RET: variants seen among roughly 807,000 people sequenced by gnomAD.
The protein encoded by RET is ret proto-oncogene.
In RET, 19 loss-of-function variants were observed where a neutral mutation model predicts 118.3. The ratio of observed to expected loss-of-function variants is 0.16; its 90% CI spans 0.11 to 0.24. The LOEUF (loss-of-function observed/expected upper bound fraction) is 0.24, where lower values mean the gene tolerates loss of function less well. Ranked by LOEUF, RET falls within the 10% of genes least tolerant of loss-of-function variation. The pLI, the probability that RET is intolerant of heterozygous loss-of-function variation, is 1.00. For synonymous variants in RET, 597 were observed against 644.1 expected (o/e 0.93, Z 1.11); for missense variants, 1,219 against 1,502.1 (o/e 0.81, Z 3.12).
chr10:43,077,172 G>C lies in RET; in HGVS notation c.-87G>C. The C allele has an allele frequency of 1.5e-6, 2 of 1,353,946 alleles. No individual in the cohort carries two copies. Among genetic ancestry groups the C allele is most frequent in the South Asian group, 3.5e-5 (2 of 56,570 alleles). The allele number at this position is 1,353,946 out of a possible 1,614,324, so 83.9% of individuals were successfully genotyped here. On this transcript the variant is annotated 5_prime_UTR_variant, in exon 1 of 20. Coordinates refer to ENST00000355710, the MANE Select transcript of RET (RefSeq NM_020975.6). ...CCGCCGCGCCCCGGGCGGGGATGGG[G>C]CGGCCAGACTGAGCGCCGCACCCGC...
rs1838274772 is a variant in RET, at chr10:43,123,928, G to A, written c.2939+120G>A. On this transcript the variant is annotated intron_variant, in intron 17 of 19. Coordinates refer to ENST00000355710, the MANE Select transcript of RET (RefSeq NM_020975.6). ...CAGGAGAAGTGGGGGGTGGGGAGTG[G>A]GCAGGGCAGAGGTTAGAGAGCCATC... 6.1e-6 allele frequency: 9 copies of A among 1,482,840 alleles called. No homozygotes were observed. The South Asian group carries it at 1.0e-4, about 17-fold the overall frequency. 91.9% of individuals were successfully genotyped at this position (1,482,840 alleles called of 1,614,324 possible).
intron 1 of RET, among the ~76,000 whole-genome samples, chr10:43,082,843 C>T (rs961486294): frequency 3.9e-5 from 6 of 152,148 alleles, no homozygotes; most frequent in Non-Finnish European, 7.4e-5. Flanking sequence ...GGTGCCGGGA[C>T]GAGGGTGGGT....
Position 43,100,532 on chromosome 10 carries a change from C to T in RET, c.147C>T (p.Pro49=), listed in dbSNP as rs1219548567. 3.1e-6 allele frequency: 5 copies of T among 1,613,814 alleles called. No individual in the cohort carries two copies. Among genetic ancestry groups the T allele is most frequent in the Non-Finnish European group, 4.2e-6 (5 of 1,180,032 alleles). ...KLYVDQAAGT[P]LLYVHALRDA... ...ATGTGGACCAGGCAGCCGGCACGCC[C>T]TTGCTGTACGTCCATGCCCTGCGGG... Residue 49 remains proline, a synonymous_variant, in exon 2 of 20, where the codon CCC becomes CCT. Transcript: ENST00000355710.
At position 43,106,049 on chromosome 10, in the gene RET, G is replaced by C. The variant is rs1331121089; in HGVS notation, c.868-327G>C. Among the ~76,000 whole-genome samples, 2 of 152,142 alleles carry C rather than the reference G, an allele frequency of 1.3e-5. No individual in the cohort carries two copies. Among genetic ancestry groups the C allele is most frequent in the Admixed American group, 6.5e-5 (1 of 15,288 alleles). On this transcript the variant is annotated intron_variant, in intron 4 of 19. Coordinates refer to ENST00000355710, the MANE Select transcript of RET (RefSeq NM_020975.6). The surrounding 1 kb of genome is among the most constrained non-coding windows in gnomAD (Gnocchi z 5.1). Reference sequence around the variant, plus strand: ...GGCCCAGCTTCCTCAGGGGAGAGTGGAGGTGCTCATCCTGCTCTCTGGGGA... The same window carrying C: ...GGCCCAGCTTCCTCAGGGGAGAGTGCAGGTGCTCATCCTGCTCTCTGGGGA...
intron 13 of RET, 129 bp from the exon 14 acceptor site, chr10:43,119,402 C>T: frequency 1.4e-6 from 1 of 699,118 alleles, no homozygotes; most frequent in Admixed American, 2.3e-5. Flanking sequence ...CTGCCTGAGG[C>T]AGGGCTGTGT....
rs377767400 is a variant in RET at position 43,113,650 on chromosome 10, C to T, written c.1854C>T (p.Cys618=). The T allele has an allele frequency of 6.2e-7, 1 of 1,613,268 alleles. No homozygotes were observed. Among genetic ancestry groups the T allele is most frequent in the Non-Finnish European group, 8.5e-7 (1 of 1,179,886 alleles). ...ACTGCTTCCCTGAGGAGGAGAAGTG[C>T]TTCTGCGAGCCCGAAGACATCCAGG... The part of the protein sequence containing the change: ...TCNCFPEEEK[C]FCEPEDIQDP... Residue 618 remains cysteine (C), a synonymous_variant, in exon 10 of 20, where the codon TGC becomes TGT. Transcript: ENST00000355710.
chr10:43,101,970 ATG>A (rs1262549343), intron 2 of RET, among the ~76,000 whole-genome samples: 4 of 152,072 alleles, frequency 2.6e-5, no homozygotes, highest in Non-Finnish European at 4.4e-5. Flanking sequence ...TTGGGGAAGT[ATG>A]TCTGCGGCCA....
chr10:43,083,608 G>C (rs1033998783), intron 1 of RET, among the ~76,000 whole-genome samples: 1 of 152,160 alleles, frequency 6.6e-6, no homozygotes, highest in Non-Finnish European at 1.5e-5. Context: ...ACCCCAGGAG[G>C]CTTCAAGTAC....
In RET at chr10:43,102,613, C is replaced by A; in HGVS notation, c.609C>A (p.Ala203=). Residue 203 remains alanine (A), a synonymous_variant, in exon 3 of 20, where the codon GCC becomes GCA. Transcript: ENST00000355710. ...TCTTGTGCCCCAACATCAGCGTGGC[C>A]TACAGGCTCCTGGAGGGTGAGTGCC... The part of the protein sequence containing the change: ...VQFLCPNISV[A]YRLLEGEGLP... The A allele has an allele frequency of 6.2e-7, 1 of 1,614,166 alleles. No individual in the cohort carries two copies. The highest frequency in any genetic ancestry group is 8.5e-7 in the Non-Finnish European group (1 of 1,180,060).
At chr10:43,118,691 G>A (rs955208185) in intron 13 of RET, among the ~76,000 whole-genome samples, 8 of 152,366 alleles carry the variant, frequency 5.3e-5, no homozygotes, top group South Asian at 2.1e-4. Flanking sequence ...GAGGGGCCCC[G>A]CGCTAGCGGC....
Position 43,105,130 on chromosome 10 carries a change from G to A in RET, c.804G>A (p.Ser268=), listed in dbSNP as rs942287684. The stretch of plus-strand genomic sequence containing the variant: ...TGACCGTGTACGACGAGGACGACTC[G>A]GCGCCCACCTTCCCCGCGGGCGTCG... ...FPVTVYDEDD[S]APTFPAGVDT... Residue 268 remains serine, a synonymous_variant, in exon 4 of 20, where the codon TCG becomes TCA. Coordinates refer to ENST00000355710, the MANE Select transcript of RET (RefSeq NM_020975.6). The A allele has an allele frequency of 6.8e-6, 11 of 1,612,472 alleles. No individual in the cohort carries two copies. The highest frequency in any genetic ancestry group is 8.5e-7 in the Non-Finnish European group (1 of 1,179,838).
chr10:43,108,997 A>T, intron 5 of RET, 34 bp from the exon 6 acceptor site: 1 of 1,593,540 alleles, frequency 6.3e-7, no homozygotes, highest in Non-Finnish European at 8.6e-7. Flanking sequence ...CAGCCAGAGC[A>T]GCTTGGTGGT....
intron 1 of RET, among the ~76,000 whole-genome samples, chr10:43,099,688 C>T (rs938859432): frequency 3.9e-5 from 6 of 152,352 alleles, no homozygotes; most frequent in Admixed American, 3.9e-4. Context: ...TGGCCCTTCC[C>T]AATCTGTCCA....
intron 1 of RET, among the ~76,000 whole-genome samples, chr10:43,082,093 C>G (rs1837197891): frequency 6.6e-6 from 1 of 152,174 alleles, no homozygotes; most frequent in African/African-American, 2.4e-5. Context: ...CCGCTCCCCT[C>G]CATTCCCCAA....
chr10:43,086,960 G>A (rs759452954), intron 1 of RET, among the ~76,000 whole-genome samples: 49 of 152,240 alleles, frequency 3.2e-4, no homozygotes, highest in Admixed American at 1.3e-4. Context: ...CCAAACCTCA[G>A]CCATGCCTGG....
At chr10:43,116,773 C>A (rs200972244) in intron 12 of RET, 42 bp downstream of exon 12, 26 of 1,528,504 alleles carry the variant, frequency 1.7e-5, no homozygotes, top group Non-Finnish European at 2.1e-5. Context: ...GGGGAGTCTC[C>A]GGGGCGGGGG....
At chr10:43,113,195 G>A (rs1045072356) in intron 9 of RET, among the ~76,000 whole-genome samples, 1 of 152,142 alleles carries the variant, frequency 6.6e-6, no homozygotes, top group Non-Finnish European at 1.5e-5. Flanking sequence ...CCCAGAAGTC[G>A]GCACACACAG....
chr10:43,106,628 C>T lies in RET; in HGVS notation c.1063+57C>T. On this transcript the variant is annotated intron_variant, in intron 5 of 19. Transcript: ENST00000355710. This position sits in a 1 kb window ranked among gnomAD's most constrained non-coding sequence, Gnocchi z 5.1. ...GCCCCCAGGAAATGAGGTGCTCGCT[C>T]TTCATGGGCAAGCAGCACCCTACAC... is the stretch of plus-strand genomic sequence containing the variant. 1.3e-6 allele frequency: 2 copies of T among 1,563,852 alleles called. No homozygotes were observed. Among genetic ancestry groups the T allele is most frequent in the South Asian group, 1.1e-5 (1 of 87,386 alleles).
intron 8 of RET, 122 bp from the exon 9 acceptor site, chr10:43,112,730 TG>T: frequency 1.3e-6 from 1 of 758,494 alleles, no homozygotes; most frequent in Non-Finnish European, 2.3e-6. Flanking sequence ...GCTCTGTATA[TG>T]GTGTTTCCCT....
Sources: allele counts gnomAD v4.1 joint callset (sites outside exome capture counted in the v4.1 genomes callset), GRCh38; gene constraint gnomAD v4.1.1; non-coding constraint Gnocchi (gnomAD v3.1); transcripts MANE v1.5; gene names NCBI Gene and HGNC (gene_info 2026-07-23, HGNC 2026-07-21).